The following CDH20 variants were observed in gnomAD, a reference collection of about 807,000 sequenced individuals.
The protein encoded by CDH20 is cadherin 20.
CDH20 carries 29 observed loss-of-function variants against 74.2 expected under a neutral mutation model. The ratio of observed to expected loss-of-function variants is 0.39; its 90% CI spans 0.29 to 0.53. The LOEUF (loss-of-function observed/expected upper bound fraction) is 0.53, where lower values mean the gene tolerates loss of function less well. Among genes scored for constraint, CDH20 ranks in the 20% least tolerant of loss-of-function variants. The pLI is 0.69. For missense variants in CDH20, 988 were observed against 1,048.3 expected (o/e 0.94, Z 0.79); for synonymous variants, 469 against 405.4 (o/e 1.16, Z -1.88).
chr18:61,502,693 C>G (rs530760925), intron 4 of CDH20, among the ~76,000 whole-genome samples: 12 of 152,292 alleles, frequency 7.9e-5, no homozygotes, highest in Admixed American at 6.5e-4. Context: ...GCTGCCACCT[C>G]CTGTTCACTT....
At chr18:61,548,895 C>T (rs895742334) in intron 10 of CDH20, among the ~76,000 whole-genome samples, 8 of 152,150 alleles carry the variant, frequency 5.3e-5, no homozygotes, top group Admixed American at 1.3e-4. Flanking sequence ...TTATTATGTC[C>T]AAAATGGGAA....
chr18:61,405,199 C>T, intron 1 of CDH20: 1 of 451,202 alleles, frequency 2.2e-6, no homozygotes, highest in Non-Finnish European at 4.2e-6. Flanking sequence ...TTCTTTGCAG[C>T]CACCATCTTT....
At chr18:61,467,858 C>T (rs901952960) in intron 1 of CDH20, among the ~76,000 whole-genome samples, 3 of 152,180 alleles carry the variant, frequency 2.0e-5, no homozygotes, top group Non-Finnish European at 2.9e-5. Flanking sequence ...GGCTTACGTT[C>T]GCTTACTAGT....
chr18:61,460,549 T>A (rs1196512541), intron 1 of CDH20, among the ~76,000 whole-genome samples: 1 of 152,128 alleles, frequency 6.6e-6, no homozygotes, highest in Non-Finnish European at 1.5e-5. Flanking sequence ...ACTCAGCTAA[T>A]CACATCTCAG....
chr18:61,437,254 C>A lies in CDH20; in HGVS notation c.-152-53148C>A, dbSNP rs116710882. 5.7e-3 allele frequency among the ~76,000 whole-genome samples: 874 copies of A among 152,202 alleles called. 6 individuals carry two copies. Among genetic ancestry groups the A allele is most frequent in the African/African-American group, 0.019 (782 of 41,534 alleles). ...GTTCTTCCCACTTGCCAGGTAGTTCCCTGGGGGCCTGTCAGACAAGAAGGG... is the reference window on the plus strand; with the variant it reads ...GTTCTTCCCACTTGCCAGGTAGTTCACTGGGGGCCTGTCAGACAAGAAGGG... On this transcript the variant is annotated intron_variant, in intron 1 of 11. Coordinates refer to ENST00000262717, the MANE Select transcript of CDH20 (RefSeq NM_031891.4).
Position 61,347,456 on chromosome 18 carries a change from G to A in CDH20, c.-153+13629G>A, listed in dbSNP as rs557028465. Among the ~76,000 whole-genome samples the A allele has an allele frequency of 4.9e-4, 74 of 150,326 alleles. 2 individuals carry two copies. Among genetic ancestry groups the A allele is most frequent in the Middle Eastern group, 6.8e-3 (2 of 294 alleles). On this transcript the variant is annotated intron_variant, in intron 1 of 11. Transcript: ENST00000262717. ...AATCACTTGAACTTGGGAGGTGGAG[G>A]TTGCAGTGAGCCAAGATCGTGCCAC... is the stretch of plus-strand genomic sequence containing the variant.
At chr18:61,468,073 C>A (rs1910029488) in intron 1 of CDH20, among the ~76,000 whole-genome samples, 2 of 152,194 alleles carry the variant, frequency 1.3e-5, no homozygotes, top group African/African-American at 2.4e-5. Flanking sequence ...CCAGGCAATG[C>A]AGCCATACTT....
At chr18:61,401,887 G>A (rs1912167204) in intron 1 of CDH20, among the ~76,000 whole-genome samples, 2 of 152,000 alleles carry the variant, frequency 1.3e-5, no homozygotes, top group Admixed American at 6.6e-5. Flanking sequence ...ATTCAAAATA[G>A]GAAACCATAA....
chr18:61,506,557 T>C (rs1911567681), intron 5 of CDH20, among the ~76,000 whole-genome samples: 1 of 152,130 alleles, frequency 6.6e-6, no homozygotes, highest in Non-Finnish European at 1.5e-5. Context: ...CACATTATGA[T>C]TGACAAAATA....
intron 1 of CDH20, among the ~76,000 whole-genome samples, chr18:61,460,361 T>G (rs1909725054): frequency 6.6e-6 from 1 of 152,310 alleles, no homozygotes; most frequent in Non-Finnish European, 1.5e-5. Context: ...TTCCTGGCAT[T>G]GAATTCAAAA....
At chr18:61,523,487 CA>C (rs1340035446) in intron 6 of CDH20, among the ~76,000 whole-genome samples, 4 of 152,242 alleles carry the variant, frequency 2.6e-5, no homozygotes, top group Non-Finnish European at 5.9e-5. Flanking sequence ...TAAATTAATT[CA>C]ACCATTGTGG....
chr18:61,416,042 G>A (rs1370866398), intron 1 of CDH20, among the ~76,000 whole-genome samples: 6 of 124,882 alleles, frequency 4.8e-5, no homozygotes, highest in Non-Finnish European at 1.1e-4. Flanking sequence ...GTTCCAAGAT[G>A]TAAAAAAAAA....
intron 6 of CDH20, among the ~76,000 whole-genome samples, chr18:61,508,795 C>G (rs1409199992): frequency 6.6e-6 from 1 of 152,146 alleles, no homozygotes; most frequent in African/African-American, 2.4e-5. Flanking sequence ...CACTGCCATG[C>G]ATGGCTAACT....
At chr18:61,482,904 A>G (rs918095357) in intron 1 of CDH20, among the ~76,000 whole-genome samples, 12 of 152,156 alleles carry the variant, frequency 7.9e-5, no homozygotes, top group Admixed American at 3.3e-4. Flanking sequence ...AGTGGTTTTT[A>G]TCTGGATTTC....
chr18:61,368,283 G>A (rs1910925449), intron 1 of CDH20, among the ~76,000 whole-genome samples: 1 of 151,974 alleles, frequency 6.6e-6, no homozygotes. Flanking sequence ...CCTAGGGGGA[G>A]GGGGAATTAT....
At chr18:61,352,579 C>T (rs1019572075) in intron 1 of CDH20, among the ~76,000 whole-genome samples, 1 of 152,112 alleles carries the variant, frequency 6.6e-6, no homozygotes. Context: ...CTGTCAAGTT[C>T]CTGAGGGCCT....
At chr18:61,413,212 T>C (rs1168035329) in intron 1 of CDH20, among the ~76,000 whole-genome samples, 1 of 152,150 alleles carries the variant, frequency 6.6e-6, no homozygotes, top group African/African-American at 2.4e-5. Context: ...ATCTCTTATT[T>C]TGGGGTTTCG....
chr18:61,414,184 A>G (rs1912609350), intron 1 of CDH20, among the ~76,000 whole-genome samples: 1 of 152,148 alleles, frequency 6.6e-6, no homozygotes, highest in Non-Finnish European at 1.5e-5. Flanking sequence ...ATAGCAAGAG[A>G]TGAAATAAAA....
intron 9 of CDH20, 88 bp from the exon 10 acceptor site, chr18:61,544,939 C>A: frequency 2.4e-6 from 2 of 827,172 alleles, no homozygotes; most frequent in Non-Finnish European, 2.1e-6. Context: ...AAACATCCCA[C>A]CATCGCGTTT....
Sources: allele counts gnomAD v4.1 joint callset (sites outside exome capture counted in the v4.1 genomes callset), GRCh38; gene constraint gnomAD v4.1.1; transcripts MANE v1.5; gene names NCBI Gene and HGNC (gene_info 2026-07-23, HGNC 2026-07-21).